The following FIGN variants were observed in gnomAD, a reference collection of about 807,000 sequenced individuals.
The protein encoded by FIGN is fidgetin.
In FIGN, 11 loss-of-function variants were observed where a neutral mutation model predicts 51.3. The observed-to-expected ratio is 0.21, with a 90% CI of 0.13 to 0.35. The LOEUF is 0.35. Among genes scored for constraint, FIGN ranks in the 10% least tolerant of loss-of-function variants. The pLI, the probability that FIGN is intolerant of heterozygous loss-of-function variation, is 1.00. For missense variants in FIGN, 857 were observed against 943.6 expected, an observed-to-expected ratio of 0.91 and a Z score of 1.20; for synonymous variants, 407 against 363.2, an observed-to-expected ratio of 1.12 and a Z score of -1.37.
chr2:163,642,716 A>G (rs1009306882), intron 2 of FIGN, among the ~76,000 whole-genome samples: 4 of 152,210 alleles, frequency 2.6e-5, no homozygotes, highest in Admixed American at 6.5e-5. Context: ...TTCTTGGTCC[A>G]TGGTAGGTCC....
intron 2 of FIGN, among the ~76,000 whole-genome samples, chr2:163,724,510 A>ATTATTTAT (rs34775500): frequency 6.6e-6 from 1 of 151,270 alleles, no homozygotes; most frequent in African/African-American, 2.4e-5. Flanking sequence ...AAGTTTTTTT[A>ATTATTTAT]TTATTTATTT....
chr2:163,676,969 T>C (rs1683982837), intron 2 of FIGN, among the ~76,000 whole-genome samples: 1 of 152,192 alleles, frequency 6.6e-6, no homozygotes. Flanking sequence ...GGATAATATA[T>C]TTCAATGAAA....
chr2:163,609,479 C>T lies in FIGN; in HGVS notation c.*73G>A. The stretch of plus-strand genomic sequence containing the variant: ...CAATTTAAACTCTACTGGAAAGGGG[C>T]TCTATTCCCTATGTAGCAGGTTTTA... On this transcript the variant is annotated 3_prime_UTR_variant, in exon 3 of 3. Transcript: ENST00000333129. 2.3e-6 allele frequency: 3 copies of T among 1,303,344 alleles called. No homozygotes were observed. Among genetic ancestry groups the T allele is most frequent in the Middle Eastern group, 2.0e-4 (1 of 4,920 alleles). The allele number at this position is 1,303,344 out of a possible 1,614,324, so 80.7% of individuals were successfully genotyped here. A position where few individuals can be genotyped will look rare whatever the true frequency, so the allele number is the denominator to read the frequency against.
chr2:163,617,344 A>T (rs1682894721), intron 2 of FIGN: 1 of 492,528 alleles, frequency 2.0e-6, no homozygotes, highest in Non-Finnish European at 2.6e-6. Context: ...ATAAAAGATG[A>T]ACTATGTACA....
intron 2 of FIGN, among the ~76,000 whole-genome samples, chr2:163,669,952 A>G (rs1683848947): frequency 1.3e-5 from 2 of 152,230 alleles, no homozygotes; most frequent in Non-Finnish European, 2.9e-5. Context: ...AGAAGCATTG[A>G]TGCCCACTCT....
intron 2 of FIGN, among the ~76,000 whole-genome samples, chr2:163,704,542 G>A (rs1293053325): frequency 6.6e-6 from 1 of 151,764 alleles, no homozygotes; most frequent in East Asian, 1.9e-4. Context: ...ATGGCTATGA[G>A]GTATTGGACA....
intron 2 of FIGN, among the ~76,000 whole-genome samples, chr2:163,634,779 C>A (rs1490831635): frequency 4.6e-5 from 7 of 152,176 alleles, no homozygotes; most frequent in Admixed American, 4.6e-4. Context: ...AGTGTTATAA[C>A]TCTCTTATAA....
chr2:163,668,757 G>A (rs374951713), intron 2 of FIGN, among the ~76,000 whole-genome samples: 2 of 152,004 alleles, frequency 1.3e-5, no homozygotes, highest in African/African-American at 4.8e-5. Flanking sequence ...TGGCTAACAC[G>A]GTGAAACCCC....
rs1289274600 is a variant in FIGN, at chr2:163,609,845, C to CTA, written c.1985_1986dup (p.Val663Ter). ...TAATTGTGCTGTGAGAGCAGTTGTA[C>CTA]TATTATCTGGTGCCTCGCTGTGCTG... On this transcript the variant is annotated frameshift_variant, in exon 3 of 3. Coordinates refer to ENST00000333129, the MANE Select transcript of FIGN (RefSeq NM_018086.4). LOFTEE classifies it high-confidence loss of function. The CTA allele has an allele frequency of 6.2e-7, 1 of 1,614,062 alleles. No individual in the cohort carries two copies.
chr2:163,658,888 G>A (rs1304726667), intron 2 of FIGN, among the ~76,000 whole-genome samples: 1 of 152,118 alleles, frequency 6.6e-6, no homozygotes, highest in African/African-American at 2.4e-5. Flanking sequence ...ACACTTACTA[G>A]GAGTATCAGT....
intron 2 of FIGN, among the ~76,000 whole-genome samples, chr2:163,671,635 A>G (rs1328117690): frequency 6.6e-6 from 1 of 152,216 alleles, no homozygotes; most frequent in Non-Finnish European, 1.5e-5. Context: ...AACATTTTCC[A>G]GAAAGTAACC....
chr2:163,612,402 T>C (rs1445002550), intron 2 of FIGN: 12 of 985,366 alleles, frequency 1.2e-5, no homozygotes, highest in Admixed American at 6.1e-5. Context: ...GACACAGACA[T>C]AGCAGGTCAT....
At chr2:163,644,406 G>A (rs1482940233) in intron 2 of FIGN, among the ~76,000 whole-genome samples, 1 of 152,130 alleles carries the variant, frequency 6.6e-6, no homozygotes, top group Non-Finnish European at 1.5e-5. Context: ...TCCCAGGAGG[G>A]CTAGAATCAA....
At chr2:163,625,483 A>G (rs1024345803) in intron 2 of FIGN, among the ~76,000 whole-genome samples, 2 of 152,020 alleles carry the variant, frequency 1.3e-5, no homozygotes, top group Non-Finnish European at 2.9e-5. Context: ...ATTAAAGGAC[A>G]ATATTGTGGT....
chr2:163,661,426 C>T (rs374357112), intron 2 of FIGN, among the ~76,000 whole-genome samples: 4 of 150,896 alleles, frequency 2.7e-5, no homozygotes, highest in African/African-American at 7.3e-5. Flanking sequence ...GATGGAGTTT[C>T]GCTCTCATCA....
intron 2 of FIGN, among the ~76,000 whole-genome samples, chr2:163,652,429 T>C (rs562892719): frequency 1.3e-5 from 2 of 150,604 alleles, no homozygotes; most frequent in East Asian, 2.0e-4. Context: ...TCTAGAAAAT[T>C]AGTATTCTAC....
At chr2:163,652,420 C>T (rs542893108) in intron 2 of FIGN, among the ~76,000 whole-genome samples, 38 of 149,240 alleles carry the variant, frequency 2.5e-4, no homozygotes, top group African/African-American at 8.9e-4. Context: ...AAGAATCAAT[C>T]TAGAAAATTA....
At chr2:163,676,440 T>TATATAGATATATATATAG (rs1683966884) in intron 2 of FIGN, among the ~76,000 whole-genome samples, 1 of 31,060 alleles carries the variant, frequency 3.2e-5, no homozygotes, top group African/African-American at 1.8e-4. Flanking sequence ...CTGGAATATA[T>TATATAGATATATATATAG]ATATATATAT....
At chr2:163,628,687 C>T (rs1683095396) in intron 2 of FIGN, among the ~76,000 whole-genome samples, 1 of 151,746 alleles carries the variant, frequency 6.6e-6, no homozygotes, top group Non-Finnish European at 1.5e-5. Flanking sequence ...AAAGGATGGG[C>T]TAACCAATTA....
Sources: allele counts gnomAD v4.1 joint callset (sites outside exome capture counted in the v4.1 genomes callset), GRCh38; gene constraint gnomAD v4.1.1; transcripts MANE v1.5; gene names NCBI Gene and HGNC (gene_info 2026-07-23, HGNC 2026-07-21).